ASAH2: variants seen among roughly 807,000 people sequenced by gnomAD.
The protein encoded by ASAH2 is neutral ceramidase.
A neutral mutation model predicts 82.9 loss-of-function variants in ASAH2; 58 were observed. The ratio of observed to expected loss-of-function variants is 0.70; its 90% CI spans 0.57 to 0.87. The LOEUF (loss-of-function observed/expected upper bound fraction) is 0.87. Ranked by LOEUF, ASAH2 falls within the 40% of genes least tolerant of loss-of-function variation. The probability of loss-of-function intolerance (pLI) is 0.00; values close to 1 mark genes in which losing one functional copy is unlikely to be tolerated. For missense variants in ASAH2, 779 were observed against 834.0 expected (o/e 0.93, Z 0.81); for synonymous variants, 276 against 289.7 (o/e 0.95, Z 0.48).
At chr10:50,242,970 G>T (rs1049112301) in intron 4 of ASAH2, among the ~76,000 whole-genome samples, 2 of 152,154 alleles carry the variant, frequency 1.3e-5, no homozygotes, top group African/African-American at 4.8e-5. Flanking sequence ...TAATAATGAT[G>T]ATGAGTCATC....
At chr10:50,206,139 C>A in intron 12 of ASAH2, 42 bp from the exon 13 acceptor site, 2 of 1,395,360 alleles carry the variant, frequency 1.4e-6, no homozygotes, top group Non-Finnish European at 1.0e-6. Context: ...TTGAACCAAC[C>A]CTCTCAAAAA....
chr10:50,220,769 A>C (rs1249278316), intron 7 of ASAH2, among the ~76,000 whole-genome samples: 1 of 150,722 alleles, frequency 6.6e-6, no homozygotes. Flanking sequence ...CCTGAACTTA[A>C]AATAAAAGTT....
In ASAH2 at chr10:50,245,525, A is replaced by C. The variant is rs910858199; in HGVS notation, c.128-71T>G. The C allele has an allele frequency of 2.2e-6, 3 of 1,336,700 alleles. No homozygotes were observed. The African/African-American group carries it at 4.5e-5, about 20-fold the overall frequency. 82.8% of individuals were successfully genotyped at this position (1,336,700 alleles called of 1,614,324 possible). On this transcript the variant is annotated intron_variant, in intron 2 of 20. Transcript: ENST00000682911. ...ATTTGTCAACATCAATTAGAACACA[A>C]TATATAGGCTCAGGTTCATAAGGAA...
Position 50,233,184 on chromosome 10 carries a change from CT to C in ASAH2, c.892del (p.Ser298AlafsTer10). 1 of 1,605,074 alleles carries C rather than the reference CT, an allele frequency of 6.2e-7. No homozygotes were observed. The highest frequency in any genetic ancestry group is 1.1e-5 in the South Asian group (1 of 90,920). The part of the protein sequence containing the change: ...DLNGDDLGLI[S>X]WFAIHPVSMN... ...TATTTTTAAAAAGGAAATACAGTAC[CT>C]GATAAGGCCCAAGTCATCTCCATTC... On this transcript the variant is annotated frameshift_variant and splice_region_variant, in exon 7 of 21. Coordinates refer to ENST00000682911, the MANE Select transcript of ASAH2 (RefSeq NM_019893.4). LOFTEE classifies it high-confidence loss of function.
chr10:50,224,910 T>C (rs903144293), intron 7 of ASAH2, among the ~76,000 whole-genome samples: 1 of 152,138 alleles, frequency 6.6e-6, no homozygotes, highest in Non-Finnish European at 1.5e-5. Flanking sequence ...AAGAAAAGAA[T>C]ACACACCGGA....
chr10:50,212,193 A>G (rs1048621273), intron 10 of ASAH2, among the ~76,000 whole-genome samples: 94 of 151,752 alleles, frequency 6.2e-4, no homozygotes, highest in Non-Finnish European at 8.1e-4. Context: ...ACACACACAC[A>G]CACACACACA....
At chr10:50,197,269 G>C (rs1271234112) in intron 17 of ASAH2, among the ~76,000 whole-genome samples, 1 of 151,836 alleles carries the variant, frequency 6.6e-6, no homozygotes, top group African/African-American at 2.4e-5. Flanking sequence ...TACCATGACA[G>C]TGTAATTATT....
intron 12 of ASAH2, among the ~76,000 whole-genome samples, chr10:50,210,477 G>A (rs1159573428): frequency 6.6e-6 from 1 of 151,948 alleles, no homozygotes; most frequent in African/African-American, 2.4e-5. Context: ...TCCAGCCTGG[G>A]TGACAAGAGC....
At position 50,210,848 on chromosome 10, in the gene ASAH2, T is replaced by G. The variant is rs1845434832; in HGVS notation, c.1389A>C (p.Gly463=). 5.6e-6 allele frequency: 9 copies of G among 1,613,242 alleles called. No homozygotes were observed. The South Asian group carries it at 8.8e-5, about 16-fold the overall frequency. The change falls in exon 12 of 21, where the codon GGA becomes GGC. Residue 463 remains glycine (G), a synonymous_variant. Coordinates refer to ENST00000682911, the MANE Select transcript of ASAH2 (RefSeq NM_019893.4). ...CCTGTGTAAAATTGAGGCCTCCAAC[T>G]CCATCAATAGTGCCAGCTGCAAAAC... is the stretch of plus-strand genomic sequence containing the variant. ...GYSFAAGTID[G]VGGLNFTQGK... is the part of the protein sequence containing the mutation.
chr10:50,234,387 G>A lies in ASAH2; in HGVS notation c.815+38C>T. 1.9e-6 allele frequency: 3 copies of A among 1,612,422 alleles called. No individual in the cohort carries two copies. The South Asian group carries it at 3.3e-5, about 18-fold the overall frequency. ...TTAGATTTTGTTGCTGTTCCCTAAA[G>A]GGAATGAAACGATTTCATTTTGACG... On this transcript the variant is annotated intron_variant, in intron 6 of 20. Coordinates refer to ENST00000682911, the MANE Select transcript of ASAH2 (RefSeq NM_019893.4).
In ASAH2 at chr10:50,205,991, G is replaced by A; in HGVS notation, c.1521C>T (p.His507=). ...ECHKPKPILL[H]TGELSKPHPW... The stretch of plus-strand genomic sequence containing the variant: ...AACGAAAATGCATTACTTCTCCGGT[G>A]TGAAGAAGGATGGGCTTTGGTTTAT... The change falls in exon 13 of 21, where the codon CAC becomes CAT. Residue 507 remains histidine, a synonymous_variant. Coordinates refer to ENST00000682911, the MANE Select transcript of ASAH2 (RefSeq NM_019893.4). 6.2e-7 allele frequency: 1 copy of A among 1,608,848 alleles called. No individual in the cohort carries two copies. The highest frequency in any genetic ancestry group is 8.5e-7 in the Non-Finnish European group (1 of 1,175,504).
intron 7 of ASAH2, among the ~76,000 whole-genome samples, chr10:50,228,792 G>C (rs1845954696): frequency 6.6e-6 from 1 of 152,014 alleles, no homozygotes; most frequent in Admixed American, 6.6e-5. Context: ...GGAGGAGGAG[G>C]AGAAGCGGGA....
rs1845072759 is a variant in ASAH2, at chr10:50,199,119, T to C, written c.1789A>G (p.Ile597Val). ...GCAGATAATGTGTGCGGTCCATAAA[T>C]TGTCGATGCTGCCTCATATCGCTGA... ...QAQRYEAAST[I>V]YGPHTLSAYI... The change falls in exon 17 of 21, where the codon ATT becomes GTT. Residue 597 changes from isoleucine (I) to valine (V), a missense_variant. Ile to Val is a conservative substitution (Grantham distance 29, BLOSUM62 3). Around this residue, in one of 3 missense-constraint regions of ASAH2, gnomAD observed 759 missense variants for 755.2 expected, o/e 1.00. Coordinates refer to ENST00000682911, the MANE Select transcript of ASAH2 (RefSeq NM_019893.4). 6.2e-7 allele frequency: 1 copy of C among 1,613,096 alleles called. No homozygotes were observed. The highest frequency in any genetic ancestry group is 8.5e-7 in the Non-Finnish European group (1 of 1,179,428).
intron 4 of ASAH2, among the ~76,000 whole-genome samples, chr10:50,241,882 G>T (rs1223294189): frequency 1.3e-5 from 2 of 152,168 alleles, no homozygotes; most frequent in African/African-American, 4.8e-5. Context: ...ACTGGGGCCT[G>T]TCGGTGGGTG....
At chr10:50,205,952 A>C (rs1335772557) in intron 13 of ASAH2, 30 bp downstream of exon 13, 1 of 1,500,296 alleles carries the variant, frequency 6.7e-7, no homozygotes, top group Non-Finnish European at 9.3e-7. Context: ...ACAATATGCT[A>C]ATTTCACTAT....
Position 50,187,087 on chromosome 10 carries a change from C to CTG in ASAH2, c.*227_*228insCA. On this transcript the variant is annotated 3_prime_UTR_variant, in exon 21 of 21. Coordinates refer to ENST00000682911, the MANE Select transcript of ASAH2 (RefSeq NM_019893.4). ...GGAGCAAGATATATGGGACAAACCT[C>CTG]TCTCTCTCTCTCTCTCTCTCTCTCT... The CTG allele has an allele frequency of 4.2e-6, 1 of 237,942 alleles. No homozygotes were observed. The highest frequency in any genetic ancestry group is 7.5e-6 in the Non-Finnish European group (1 of 133,990). 14.7% of individuals were successfully genotyped at this position (237,942 alleles called of 1,614,324 possible). A position where few individuals can be genotyped will look rare whatever the true frequency, so the allele number is the denominator to read the frequency against.
At chr10:50,229,583 A>G (rs1189067886) in intron 7 of ASAH2, among the ~76,000 whole-genome samples, 3 of 152,264 alleles carry the variant, frequency 2.0e-5, no homozygotes, top group Admixed American at 2.0e-4. Context: ...ATGAGTTTTC[A>G]TTCCTCTTGG....
chr10:50,207,044 T>C (rs976179746), intron 12 of ASAH2, among the ~76,000 whole-genome samples: 1 of 151,898 alleles, frequency 6.6e-6, no homozygotes, highest in Non-Finnish European at 1.5e-5. Context: ...AGCTTGCAAA[T>C]ATGCAGAAAT....
chr10:50,226,014 AC>A (rs1845874571), intron 7 of ASAH2, among the ~76,000 whole-genome samples: 1 of 151,834 alleles, frequency 6.6e-6, no homozygotes, highest in African/African-American at 2.4e-5. Context: ...AATCGCTTGA[AC>A]CCAGGAGGTG....
Sources: allele counts gnomAD v4.1 joint callset (sites outside exome capture counted in the v4.1 genomes callset), GRCh38; gene constraint gnomAD v4.1.1; regional missense constraint gnomAD v4.1.1; transcripts MANE v1.5; gene names NCBI Gene and HGNC (gene_info 2026-07-23, HGNC 2026-07-21).